CDYL2: variants seen among roughly 807,000 people sequenced by gnomAD.
The protein encoded by CDYL2 is chromodomain Y like 2.
Under a neutral mutation model 49.4 loss-of-function variants are expected in CDYL2, and 23 were observed. The observed-to-expected ratio is 0.47, with a 90% CI of 0.34 to 0.66. CDYL2 has a LOEUF of 0.66. Among genes scored for constraint, CDYL2 ranks in the 30% least tolerant of loss-of-function variants. The probability of loss-of-function intolerance (pLI) is 0.01; values close to 1 mark genes in which losing one functional copy is unlikely to be tolerated. For synonymous variants in CDYL2, 360 were observed against 268.8 expected (o/e 1.34, Z -3.32); for missense variants, 678 against 656.4 (o/e 1.03, Z -0.36).
chr16:80,606,163 C>A (rs997504243), intron 6 of CDYL2, among the ~76,000 whole-genome samples: 3 of 152,236 alleles, frequency 2.0e-5, no homozygotes, highest in African/African-American at 2.4e-5. Flanking sequence ...GGGCTAGAGG[C>A]TGCAGGTGGT....
chr16:80,674,208 G>A (rs1909647237), intron 2 of CDYL2, among the ~76,000 whole-genome samples: 1 of 152,170 alleles, frequency 6.6e-6, no homozygotes, highest in African/African-American at 2.4e-5. Context: ...GGGCACTGTG[G>A]TTCCATTCCA....
At chr16:80,784,414 G>A (rs543765886) in intron 1 of CDYL2, among the ~76,000 whole-genome samples, 1 of 152,132 alleles carries the variant, frequency 6.6e-6, no homozygotes, top group Admixed American at 6.5e-5. Context: ...TTTTTCATGA[G>A]ACTAAATTAA....
Position 80,798,650 on chromosome 16 carries a change from A to G in CDYL2, c.24+5500T>C, listed in dbSNP as rs578230012. Among the ~76,000 whole-genome samples the G allele has an allele frequency of 9.2e-5, 14 of 152,328 alleles. No homozygotes were observed. In the East Asian group the frequency reaches 2.7e-3, roughly 29 times the overall value. On this transcript the variant is annotated intron_variant, in intron 1 of 6. Transcript: ENST00000570137. ...GTTATCAGTAAGACTTCCAGTCAACAGTATGCTACTAGTAGTTAAGTTTCT... is the reference window on the plus strand; with the variant it reads ...GTTATCAGTAAGACTTCCAGTCAACGGTATGCTACTAGTAGTTAAGTTTCT...
At chr16:80,629,236 G>A (rs1006292919) in intron 3 of CDYL2, among the ~76,000 whole-genome samples, 5 of 152,168 alleles carry the variant, frequency 3.3e-5, no homozygotes, top group East Asian at 1.9e-4. Context: ...CCTGCCTTAT[G>A]CAGAATGGAT....
chr16:80,664,040 G>A (rs1487795289), intron 2 of CDYL2, among the ~76,000 whole-genome samples: 1 of 41,104 alleles, frequency 2.4e-5, no homozygotes, highest in Non-Finnish European at 3.7e-5. Context: ...TATTATGCCA[G>A]GATCCTGGTA....
At chr16:80,624,527 G>T (rs564882266) in intron 3 of CDYL2, among the ~76,000 whole-genome samples, 1 of 152,082 alleles carries the variant, frequency 6.6e-6, no homozygotes, top group African/African-American at 2.4e-5. Flanking sequence ...AACCCAGACC[G>T]CATGGGAATT....
chr16:80,790,540 CA>C (rs1034484533), intron 1 of CDYL2, among the ~76,000 whole-genome samples: 2 of 152,154 alleles, frequency 1.3e-5, no homozygotes, highest in African/African-American at 4.8e-5. Context: ...TCATATATAC[CA>C]TATTCCTCAA....
chr16:80,619,910 G>C (rs1442568917), intron 4 of CDYL2, among the ~76,000 whole-genome samples: 1 of 152,112 alleles, frequency 6.6e-6, no homozygotes, highest in Non-Finnish European at 1.5e-5. Flanking sequence ...CCTCTGTGTG[G>C]CCCCTCCACA....
At chr16:80,632,435 C>G (rs900660002) in intron 3 of CDYL2, among the ~76,000 whole-genome samples, 2 of 152,122 alleles carry the variant, frequency 1.3e-5, no homozygotes, top group Non-Finnish European at 2.9e-5. Context: ...GTTACTATTT[C>G]ATGTGGGTGA....
rs947612105 is a variant in CDYL2, at chr16:80,793,922, T to C, written c.24+10228A>G. Among the ~76,000 whole-genome samples, 4 of 152,238 alleles carry C rather than the reference T, an allele frequency of 2.6e-5. No homozygotes were observed. In the East Asian group the frequency reaches 7.7e-4, roughly 29 times the overall value. ...CGTAACAGTCTCGGCAGTCAATTTC[T>C]TTCTGCATTTGGTTGTTTGTAAATA... is the stretch of plus-strand genomic sequence containing the variant. On this transcript the variant is annotated intron_variant, in intron 1 of 6. Coordinates refer to ENST00000570137, the MANE Select transcript of CDYL2 (RefSeq NM_152342.4).
chr16:80,610,830 G>A (rs550988221), intron 5 of CDYL2, among the ~76,000 whole-genome samples: 8 of 152,186 alleles, frequency 5.3e-5, no homozygotes, highest in Admixed American at 5.2e-4. Context: ...CACTTTTGTG[G>A]GTCTCCTATG....
intron 3 of CDYL2, chr16:80,628,030 C>G (rs1907382235): frequency 6.6e-6 from 1 of 152,220 alleles, no homozygotes; most frequent in Non-Finnish European, 1.5e-5. Context: ...TCATCTGTAC[C>G]TGCTGAAATC....
chr16:80,632,935 A>C lies in CDYL2; in HGVS notation c.834+84T>G. 9.6e-6 allele frequency: 13 copies of C among 1,357,800 alleles called. No individual in the cohort carries two copies. In the South Asian group the frequency reaches 1.6e-4, roughly 17 times the overall value. 84.1% of individuals were successfully genotyped at this position (1,357,800 alleles called of 1,614,324 possible). On this transcript the variant is annotated intron_variant, in intron 3 of 6. Transcript: ENST00000570137. Reference sequence around the variant, plus strand: ...GTTACCATCCTCAGCTCCCTGATGGAAGGAAGGAGAAAGCCAATATTCCAT... The same window carrying C: ...GTTACCATCCTCAGCTCCCTGATGGCAGGAAGGAGAAAGCCAATATTCCAT...
chr16:80,639,145 C>T (rs74028374), intron 2 of CDYL2, among the ~76,000 whole-genome samples: 3,026 of 152,174 alleles, frequency 0.02, 120 homozygotes, highest in African/African-American at 0.07. Flanking sequence ...GAAATTAAAG[C>T]CAGGAGGTAC....
intron 2 of CDYL2, among the ~76,000 whole-genome samples, chr16:80,659,542 T>A (rs1267423020): frequency 6.6e-6 from 1 of 152,006 alleles, no homozygotes; most frequent in East Asian, 1.9e-4. Flanking sequence ...GCATAATGTA[T>A]AGTCTACACT....
At chr16:80,788,745 G>A (rs548212191) in intron 1 of CDYL2, among the ~76,000 whole-genome samples, 1 of 152,314 alleles carries the variant, frequency 6.6e-6, no homozygotes, top group Admixed American at 6.5e-5. Flanking sequence ...GATAATTCTA[G>A]TACCCATCTC....
intron 4 of CDYL2, among the ~76,000 whole-genome samples, chr16:80,613,232 A>T (rs1906681586): frequency 6.6e-6 from 1 of 152,130 alleles, no homozygotes; most frequent in African/African-American, 2.4e-5. Context: ...GGGAAGGTGT[A>T]ACAGGGAGGC....
intron 1 of CDYL2, among the ~76,000 whole-genome samples, chr16:80,761,467 G>C (rs1050185068): frequency 6.6e-6 from 1 of 152,178 alleles, no homozygotes; most frequent in Non-Finnish European, 1.5e-5. Flanking sequence ...AAGAGTGGTG[G>C]TGCTGGTGGT....
intron 2 of CDYL2, among the ~76,000 whole-genome samples, chr16:80,678,206 G>C (rs1909834118): frequency 6.6e-6 from 1 of 152,154 alleles, no homozygotes; most frequent in Non-Finnish European, 1.5e-5. Context: ...CACGGGCAAG[G>C]CCTTCATGTC....
Sources: allele counts gnomAD v4.1 joint callset (sites outside exome capture counted in the v4.1 genomes callset), GRCh38; gene constraint gnomAD v4.1.1; transcripts MANE v1.5; gene names NCBI Gene and HGNC (gene_info 2026-07-23, HGNC 2026-07-21).